Variants in PRKN observed in about 807,000 individuals in gnomAD.
PRKN encodes the protein E3 ubiquitin-protein ligase parkin.
In PRKN, 56 loss-of-function variants were observed where a neutral mutation model predicts 59.5. The observed-to-expected ratio is 0.94, with a 90% CI of 0.76 to 1.18. The LOEUF (loss-of-function observed/expected upper bound fraction) is 1.18, where lower values mean the gene tolerates loss of function less well. PRKN is among the 50% of genes most tolerant of loss of function. The pLI, the probability that PRKN is intolerant of heterozygous loss-of-function variation, is 0.00. For synonymous variants in PRKN, 250 were observed against 222.1 expected (o/e 1.13, Z -1.12); for missense variants, 657 against 596.4 (o/e 1.10, Z -1.06).
intron 6 of PRKN, among the ~76,000 whole-genome samples, chr6:161,931,449 G>A (rs1779168865): frequency 6.6e-6 from 1 of 152,104 alleles, no homozygotes; most frequent in African/African-American, 2.4e-5. Context: ...ACCCCCAGAG[G>A]CATTGTGTGA....
intron 1 of PRKN, among the ~76,000 whole-genome samples, 183 bp downstream of exon 1, chr6:162,727,479 G>A (rs1466547094): frequency 6.6e-6 from 1 of 152,116 alleles, no homozygotes; most frequent in Non-Finnish European, 1.5e-5. Context: ...CGCACACACT[G>A]GGGCCCCGGA....
chr6:162,155,885 C>A (rs188566460), intron 4 of PRKN, among the ~76,000 whole-genome samples: 2 of 151,368 alleles, frequency 1.3e-5, no homozygotes. Context: ...ATTATAAAAC[C>A]ATTTTCAATA....
At chr6:161,815,889 C>T (rs112036413) in intron 6 of PRKN, among the ~76,000 whole-genome samples, 10 of 152,258 alleles carry the variant, frequency 6.6e-5, no homozygotes, top group African/African-American at 1.9e-4. Flanking sequence ...TGTAAACCTG[C>T]GCTTTGGAAA....
At chr6:162,354,467 G>C (rs1784759788) in intron 2 of PRKN, among the ~76,000 whole-genome samples, 1 of 151,976 alleles carries the variant, frequency 6.6e-6, no homozygotes, top group African/African-American at 2.4e-5. Flanking sequence ...ACAGATTATA[G>C]TCTCTATTTT....
intron 7 of PRKN, among the ~76,000 whole-genome samples, chr6:161,698,223 A>C (rs1786102829): frequency 6.6e-6 from 1 of 152,156 alleles, no homozygotes; most frequent in Non-Finnish European, 1.5e-5. Context: ...CCAAATACAA[A>C]TATGCAGACA....
intron 2 of PRKN, among the ~76,000 whole-genome samples, chr6:162,343,765 A>G (rs1784285634): frequency 6.6e-6 from 1 of 152,220 alleles, no homozygotes; most frequent in African/African-American, 2.4e-5. Flanking sequence ...AAGTAAAATA[A>G]TAATGCAAGA....
intron 2 of PRKN, among the ~76,000 whole-genome samples, chr6:162,387,407 C>T (rs543613323): frequency 1.6e-4 from 24 of 151,938 alleles, no homozygotes; most frequent in Admixed American, 7.9e-4. Context: ...AAGGCTGTTA[C>T]GAATAATTTT....
In PRKN at chr6:161,576,507, A is replaced by C. The variant is rs1280290399; in HGVS notation, c.872-7091T>G. 6.6e-6 allele frequency among the ~76,000 whole-genome samples: 1 copy of C among 152,220 alleles called. No homozygotes were observed. The highest frequency in any genetic ancestry group is 1.9e-4 in the East Asian group (1 of 5,158). ...CGACACATCTAAAATGACCATCAAC[A>C]GAAGAAGAGATAAAATCATTCAACA... On this transcript the variant is annotated intron_variant, in intron 7 of 11. Transcript: ENST00000366898. This position sits in a 1 kb window ranked among gnomAD's most constrained non-coding sequence, Gnocchi z 4.6.
chr6:162,247,362 A>T (rs1205115696), intron 3 of PRKN, among the ~76,000 whole-genome samples: 1 of 152,198 alleles, frequency 6.6e-6, no homozygotes, highest in South Asian at 2.1e-4. Context: ...GTTGTTTTGT[A>T]CCAGTATATG....
In PRKN at chr6:162,158,634, T is replaced by C. The variant is rs1169738348; in HGVS notation, c.534+42497A>G. ...TTAGTAGAGACGGGGTTTCACCATG[T>C]TGGCCAGTCTGGTCTTGAACTCCTG... On this transcript the variant is annotated intron_variant, in intron 4 of 11. Transcript: ENST00000366898. 1.3e-5 allele frequency among the ~76,000 whole-genome samples: 2 copies of C among 151,998 alleles called. 1 individual carries two copies. Among genetic ancestry groups the C allele is most frequent in the Non-Finnish European group, 2.9e-5 (2 of 68,030 alleles).
intron 1 of PRKN, among the ~76,000 whole-genome samples, chr6:162,525,450 C>T (rs1008133624): frequency 1.3e-5 from 2 of 152,180 alleles, no homozygotes; most frequent in Non-Finnish European, 2.9e-5. Context: ...CTCACTCCCT[C>T]AGAGAGGCCA....
intron 4 of PRKN, among the ~76,000 whole-genome samples, chr6:162,156,053 A>G (rs908867341): frequency 5.6e-5 from 8 of 142,876 alleles, no homozygotes; most frequent in African/African-American, 2.1e-4. Flanking sequence ...ATATGCCTTC[A>G]CCCACATCTC....
At chr6:161,800,735 T>C (rs1242410837) in intron 6 of PRKN, among the ~76,000 whole-genome samples, 1 of 151,878 alleles carries the variant, frequency 6.6e-6, no homozygotes, top group Non-Finnish European at 1.5e-5. Flanking sequence ...AAGTGGGAGG[T>C]GTCAGATATT....
chr6:162,419,586 T>G (rs1788843862), intron 2 of PRKN, among the ~76,000 whole-genome samples: 1 of 152,216 alleles, frequency 6.6e-6, no homozygotes, highest in Non-Finnish European at 1.5e-5. Flanking sequence ...AGCCCAGTCC[T>G]AGCCCTGGAA....
At chr6:161,820,781 TA>T (rs1173543904) in intron 6 of PRKN, among the ~76,000 whole-genome samples, 2 of 150,558 alleles carry the variant, frequency 1.3e-5, no homozygotes, top group Non-Finnish European at 3.0e-5. Context: ...CAATTGTTTA[TA>T]AATATATTTT....
At chr6:162,378,071 A>G (rs1211841159) in intron 2 of PRKN, among the ~76,000 whole-genome samples, 2 of 152,180 alleles carry the variant, frequency 1.3e-5, no homozygotes, top group African/African-American at 4.8e-5. Flanking sequence ...GTCAAAGGCA[A>G]TACTTTAACA....
chr6:161,969,278 T>G (rs972251054), intron 6 of PRKN, among the ~76,000 whole-genome samples: 3 of 151,714 alleles, frequency 2.0e-5, no homozygotes, highest in Non-Finnish European at 4.4e-5. Flanking sequence ...GTTTTTTTTT[T>G]TTTTTTTTAA....
At chr6:161,837,743 C>G (rs1276997266) in intron 6 of PRKN, among the ~76,000 whole-genome samples, 1 of 152,164 alleles carries the variant, frequency 6.6e-6, no homozygotes, top group Non-Finnish European at 1.5e-5. Context: ...CCCAGGTGAG[C>G]TTCAATCTGT....
intron 7 of PRKN, among the ~76,000 whole-genome samples, chr6:161,591,994 C>A (rs985928988): frequency 6.6e-6 from 1 of 152,072 alleles, no homozygotes; most frequent in African/African-American, 2.4e-5. Context: ...TTGCTCAAGT[C>A]TCTGATATAC....
Sources: allele counts gnomAD v4.1 joint callset (sites outside exome capture counted in the v4.1 genomes callset), GRCh38; gene constraint gnomAD v4.1.1; non-coding constraint Gnocchi (gnomAD v3.1); transcripts MANE v1.5; gene names NCBI Gene and HGNC (gene_info 2026-07-23, HGNC 2026-07-21).